TIE1: variants seen among roughly 807,000 people sequenced by gnomAD.
TIE1 encodes tyrosine-protein kinase receptor Tie-1.
Under a neutral mutation model 130.5 loss-of-function variants are expected in TIE1, and 89 were observed. The observed-to-expected ratio is 0.68, with a 90% CI of 0.57 to 0.81. TIE1 has a LOEUF of 0.81. Ranked by LOEUF, TIE1 falls within the 40% of genes least tolerant of loss-of-function variation. TIE1 has a pLI of 0.00. For missense variants in TIE1, 1,392 were observed against 1,559.8 expected, an observed-to-expected ratio of 0.89 and a Z score of 1.81; for synonymous variants, 568 against 629.4, an observed-to-expected ratio of 0.90 and a Z score of 1.46.
At chr1:43,321,804 A>ACACTGCCTG (rs1223368950) in intron 22 of TIE1, 89 bp downstream of exon 22, 1 of 1,272,042 alleles carries the variant, frequency 7.9e-7, no homozygotes. Flanking sequence ...TGTCCCAACC[A>ACACTGCCTG]CACTGCCTGC....
chr1:43,311,288 G>A (rs796689346), intron 9 of TIE1, among the ~76,000 whole-genome samples: 25 of 151,994 alleles, frequency 1.6e-4, no homozygotes, highest in African/African-American at 5.3e-4. Context: ...CAGTGCCAGT[G>A]CCATTTTTTT....
chr1:43,313,783 C>G lies in TIE1; in HGVS notation c.2224C>G (p.Gln742Glu), dbSNP rs774081173. ...GCCCCTCTCACTGTGTCCAGGGCTGCAGGCTGAGGGCCCAGTCCAAGAGAG... is the reference window on the plus strand; with the variant it reads ...GCCCCTCTCACTGTGTCCAGGGCTGGAGGCTGAGGGCCCAGTCCAAGAGAG... ...VEESTLGNGL[Q>E]AEGPVQESRA... is the part of the protein sequence containing the mutation. Residue 742 changes from glutamine (Q) to glutamate (E), a missense_variant, in exon 14 of 23, where the codon CAG (glutamine) becomes GAG (glutamate). This residue lies in a region of TIE1 where 551 missense variants were observed against 565.5 expected (regional missense o/e 0.97). Transcript: ENST00000372476. This position sits in a 1 kb window ranked among gnomAD's most constrained non-coding sequence, Gnocchi z 6.2. 6.2e-7 allele frequency: 1 copy of G among 1,611,532 alleles called. No individual in the cohort carries two copies. The highest frequency in any genetic ancestry group is 8.5e-7 in the Non-Finnish European group (1 of 1,178,942).
At chr1:43,308,172 G>A (rs1646750098) in intron 7 of TIE1, among the ~76,000 whole-genome samples, 2 of 152,240 alleles carry the variant, frequency 1.3e-5, no homozygotes, top group South Asian at 4.1e-4. Flanking sequence ...CAGCAGCCCA[G>A]AGAATGTGGG....
intron 1 of TIE1, chr1:43,302,611 G>C (rs1306151409): frequency 2.6e-5 from 4 of 152,284 alleles, no homozygotes; most frequent in Non-Finnish European, 5.9e-5. Flanking sequence ...CAGAGGCATG[G>C]AGGTGCATGG....
rs751309739 is a variant in TIE1 at position 43,321,620 on chromosome 1, G to A, written c.3250G>A (p.Glu1084Lys). The stretch of plus-strand genomic sequence containing the variant: ...CTCAGCAATGCCCCCTCGCAGGTAC[G>A]AGCTGATGCGTCAGTGCTGGCGGGA... Reference protein sequence around the residue: ...QPRNCDDEVYELMRQCWRDRP... With the variant: ...QPRNCDDEVYKLMRQCWRDRP... The change falls in exon 22 of 23, where the codon GAG (glutamate) becomes AAG (lysine). Residue 1084 changes from glutamate to lysine, a missense_variant. Glu to Lys is a moderately conservative substitution (Grantham distance 56, BLOSUM62 1). This residue lies in a region of TIE1 where 104 missense variants were observed against 129.3 expected (regional missense o/e 0.80). Coordinates refer to ENST00000372476, the MANE Select transcript of TIE1 (RefSeq NM_005424.5). The A allele has an allele frequency of 1.6e-5, 25 of 1,553,954 alleles. No homozygotes were observed. The highest frequency in any genetic ancestry group is 3.6e-5 in the South Asian group (3 of 84,318).
In TIE1 at chr1:43,317,551, A is replaced by G; in HGVS notation, c.2621-13A>G. 1 of 1,611,330 alleles carries G rather than the reference A, an allele frequency of 6.2e-7. No homozygotes were observed. ...GTTATTTCTGGCAAAATAATATTGG[A>G]TTCTTTACACAGAGTATGCCTCTGA... On this transcript the variant is annotated splice_polypyrimidine_tract_variant and intron_variant, in intron 15 of 22. Coordinates refer to ENST00000372476, the MANE Select transcript of TIE1 (RefSeq NM_005424.5). The surrounding 1 kb of genome is among the most constrained non-coding windows in gnomAD (Gnocchi z 5.1).
rs1307117816 is a variant in TIE1 at position 43,317,818 on chromosome 1, G to A, written c.2732-64G>A. 1.3e-6 allele frequency: 2 copies of A among 1,573,010 alleles called. No individual in the cohort carries two copies. The highest frequency in any genetic ancestry group is 1.7e-5 in the Admixed American group (1 of 59,136). On this transcript the variant is annotated intron_variant, in intron 16 of 22. Coordinates refer to ENST00000372476, the MANE Select transcript of TIE1 (RefSeq NM_005424.5). This position sits in a 1 kb window ranked among gnomAD's most constrained non-coding sequence, Gnocchi z 5.1. ...CTTCATCCCTGTCTGTTACCATCGG[G>A]TGCCTGCTCCCACCCTAGGTTGCCT...
chr1:43,311,698 G>A lies in TIE1; in HGVS notation c.1361G>A (p.Arg454Gln), dbSNP rs771606371. The stretch of plus-strand genomic sequence containing the variant: ...CCCCCCGTGCCCCTGGCTGCACCTC[G>A]GCTCCTGACCAAGCAGAGCCGCCAG... ...KVPPVPLAAPRLLTKQSRQLV... is the reference protein window; with the variant it reads ...KVPPVPLAAPQLLTKQSRQLV... Residue 454 changes from arginine to glutamine, a missense_variant, in exon 10 of 23, where the codon CGG becomes CAG. By Grantham distance (43) the Arg-to-Gln change is conservative. Coordinates refer to ENST00000372476, the MANE Select transcript of TIE1 (RefSeq NM_005424.5). The A allele has an allele frequency of 1.2e-5, 19 of 1,613,602 alleles. No individual in the cohort carries two copies. Among genetic ancestry groups the A allele is most frequent in the Middle Eastern group, 1.7e-4 (1 of 5,998 alleles).
rs1197097491 is a variant in TIE1 at position 43,307,428 on chromosome 1, C to G, written c.773-4C>G. ...CCCATACACCCCACACACTCTCTTT[C>G]TAGCCTGCAGAGAGGGCCGTTTTGG... is the stretch of plus-strand genomic sequence containing the variant. On this transcript the variant is annotated splice_region_variant and splice_polypyrimidine_tract_variant and intron_variant, in intron 5 of 22. Transcript: ENST00000372476. The surrounding 1 kb of genome is among the most constrained non-coding windows in gnomAD (Gnocchi z 5.4). The G allele has an allele frequency of 2.5e-6, 4 of 1,614,122 alleles. No individual in the cohort carries two copies. In the South Asian group the frequency reaches 3.3e-5, roughly 13 times the overall value.
intron 1 of TIE1, among the ~76,000 whole-genome samples, chr1:43,304,362 T>A (rs1646701260): frequency 6.6e-6 from 1 of 152,198 alleles, no homozygotes; most frequent in African/African-American, 2.4e-5. Flanking sequence ...ACACTTCTGT[T>A]CTGGCTGGCT....
rs1279035143 is a variant in TIE1 at position 43,309,305 on chromosome 1, C to T, written c.1189-83C>T. The T allele has an allele frequency of 2.0e-6, 3 of 1,523,586 alleles. No homozygotes were observed. The highest frequency in any genetic ancestry group is 2.6e-6 in the Non-Finnish European group (3 of 1,137,022). 94.4% of individuals were successfully genotyped at this position (1,523,586 alleles called of 1,614,324 possible). A position where few individuals can be genotyped will look rare whatever the true frequency, so the allele number is the denominator to read the frequency against. On this transcript the variant is annotated intron_variant, in intron 8 of 22. Transcript: ENST00000372476. This position sits in a 1 kb window ranked among gnomAD's most constrained non-coding sequence, Gnocchi z 6.3. ...GGGCTGCCACTGGGCCTCTGTCCTG[C>T]CATCAGTCCAGACGGACACCTGGGT... is the stretch of plus-strand genomic sequence containing the variant.
At position 43,307,352 on chromosome 1, in the gene TIE1, C is replaced by T; in HGVS notation, c.772+79C>T. On this transcript the variant is annotated intron_variant, in intron 5 of 22. Transcript: ENST00000372476. This position sits in a 1 kb window ranked among gnomAD's most constrained non-coding sequence, Gnocchi z 5.4. ...AGACCCTAGAACCATGTGGGTGGAG[C>T]TTGGAGGGTAAGGGCGACAGGCAGG... 2 of 1,611,726 alleles carry T rather than the reference C, an allele frequency of 1.2e-6. No homozygotes were observed. Among genetic ancestry groups the T allele is most frequent in the Non-Finnish European group, 8.5e-7 (1 of 1,178,450 alleles).
intron 1 of TIE1, among the ~76,000 whole-genome samples, chr1:43,301,736 G>A (rs766261915): frequency 2.0e-5 from 3 of 152,190 alleles, no homozygotes; most frequent in Non-Finnish European, 4.4e-5. Flanking sequence ...GGGCGTGGTG[G>A]CAGGAGCCTG....
Position 43,313,345 on chromosome 1 carries a change from G to T in TIE1, c.2138G>T (p.Arg713Leu). The T allele has an allele frequency of 1.2e-6, 2 of 1,614,028 alleles. No individual in the cohort carries two copies. Among genetic ancestry groups the T allele is most frequent in the Non-Finnish European group, 1.7e-6 (2 of 1,179,952 alleles). Residue 713 changes from arginine (R) to leucine (L), a missense_variant, in exon 13 of 23, where the codon CGC becomes CTC. Arg to Leu is a moderately radical substitution (Grantham distance 102). Around this residue, in one of 6 missense-constraint regions of TIE1, gnomAD observed 551 missense variants for 565.5 expected, o/e 0.97. Transcript: ENST00000372476. The surrounding 1 kb of genome is among the most constrained non-coding windows in gnomAD (Gnocchi z 6.2). The part of the protein sequence containing the change: ...TIIRGLNAST[R>L]YLFRMRASIQ... ...ATCCGTGGCCTCAACGCCAGCACGC[G>T]CTACCTCTTCCGCATGCGGGCCAGC...
Position 43,312,247 on chromosome 1 carries a change from G to T in TIE1, c.1631-58G>T. On this transcript the variant is annotated intron_variant, in intron 11 of 22. Transcript: ENST00000372476. This position sits in a 1 kb window ranked among gnomAD's most constrained non-coding sequence, Gnocchi z 5.6. ...TCTTCCTTGTTCACTGGGGATCATT[G>T]TCCTGTCCAGCCCCAAGTACCTACT... 6.6e-7 allele frequency: 1 copy of T among 1,513,894 alleles called. No individual in the cohort carries two copies. The highest frequency in any genetic ancestry group is 8.8e-7 in the Non-Finnish European group (1 of 1,130,742). The allele number at this position is 1,513,894 out of a possible 1,614,324, so 93.8% of individuals were successfully genotyped here.
At position 43,312,161 on chromosome 1, in the gene TIE1, C is replaced by A; in HGVS notation, c.1630+30C>A. 2.0e-6 allele frequency: 3 copies of A among 1,517,250 alleles called. No individual in the cohort carries two copies. The highest frequency in any genetic ancestry group is 8.8e-7 in the Non-Finnish European group (1 of 1,132,002). 94.0% of individuals were successfully genotyped at this position (1,517,250 alleles called of 1,614,324 possible). A position where few individuals can be genotyped will look rare whatever the true frequency, so the allele number is the denominator to read the frequency against. On this transcript the variant is annotated intron_variant, in intron 11 of 22. Coordinates refer to ENST00000372476, the MANE Select transcript of TIE1 (RefSeq NM_005424.5). The surrounding 1 kb of genome is among the most constrained non-coding windows in gnomAD (Gnocchi z 5.6). ...GAGGCCAAGAGTCATCCCTTCCTGT[C>A]CCCCCAAGGGTTACTTTCCCGTCGA...
intron 7 of TIE1, 147 bp downstream of exon 7, chr1:43,308,071 C>CTCTGGCAGGGAGTCAG (rs1646749210): frequency 7.9e-7 from 1 of 1,260,754 alleles, no homozygotes; most frequent in Admixed American, 2.4e-5. Flanking sequence ...GGACAGGGAG[C>CTCTGGCAGGGAGTCAG]TCTGGCAGGG....
Position 43,317,316 on chromosome 1 carries a change from G to T in TIE1, c.2527G>T (p.Asp843Tyr), listed in dbSNP as rs770308111. Reference protein sequence around the residue: ...VLEWEDITFEDLIGEGNFGQV... With the variant: ...VLEWEDITFEYLIGEGNFGQV... ...AGAGTGGGAGGACATCACCTTTGAG[G>T]ACCTCATCGGGGAGGGGAACTTCGG... Residue 843 changes from aspartate (D) to tyrosine (Y), a missense_variant, in exon 15 of 23, where the codon GAC becomes TAC. Physicochemically the swap from Asp to Tyr is radical, Grantham distance 160. Coordinates refer to ENST00000372476, the MANE Select transcript of TIE1 (RefSeq NM_005424.5). The surrounding 1 kb of genome is among the most constrained non-coding windows in gnomAD (Gnocchi z 5.1). 1 of 1,614,088 alleles carries T rather than the reference G, an allele frequency of 6.2e-7. No homozygotes were observed. Among genetic ancestry groups the T allele is most frequent in the Non-Finnish European group, 8.5e-7 (1 of 1,180,030 alleles).
rs895434484 is a variant in TIE1, at chr1:43,313,239, G to A, written c.2032G>A (p.Val678Ile). Residue 678 changes from valine (V) to isoleucine (I), a missense_variant, in exon 13 of 23, where the codon GTT (valine) becomes ATT (isoleucine). Physicochemically the swap from Val to Ile is conservative, Grantham distance 29. This residue lies in a region of TIE1 where 551 missense variants were observed against 565.5 expected (regional missense o/e 0.97). Coordinates refer to ENST00000372476, the MANE Select transcript of TIE1 (RefSeq NM_005424.5). The surrounding 1 kb of genome is among the most constrained non-coding windows in gnomAD (Gnocchi z 6.2). ...TCTGCCTGGGCCAATATCCAAGTACGTTGTGGAGGTGCAGGTGGCTGGGGG... is the reference window on the plus strand; with the variant it reads ...TCTGCCTGGGCCAATATCCAAGTACATTGTGGAGGTGCAGGTGGCTGGGGG... Reference protein sequence around the residue: ...EALPGPISKYVVEVQVAGGAG... With the variant: ...EALPGPISKYIVEVQVAGGAG... 6 of 1,614,038 alleles carry A rather than the reference G, an allele frequency of 3.7e-6. No individual in the cohort carries two copies. Among genetic ancestry groups the A allele is most frequent in the African/African-American group, 1.3e-5 (1 of 75,036 alleles).
Sources: allele counts gnomAD v4.1 joint callset (sites outside exome capture counted in the v4.1 genomes callset), GRCh38; gene constraint gnomAD v4.1.1; regional missense constraint gnomAD v4.1.1; non-coding constraint Gnocchi (gnomAD v3.1); transcripts MANE v1.5; gene names NCBI Gene and HGNC (gene_info 2026-07-23, HGNC 2026-07-21).